Variants in PHF24 observed in about 807,000 individuals in gnomAD.
PHF24 encodes PHD finger protein 24.
A neutral mutation model predicts 42.6 loss-of-function variants in PHF24; 25 were observed. The ratio of observed to expected loss-of-function variants is 0.59; its 90% confidence interval spans 0.43 to 0.82. The LOEUF is 0.82. Ranked by LOEUF, PHF24 falls within the 40% of genes least tolerant of loss-of-function variation. PHF24 has a pLI of 0.00. For missense variants in PHF24, 470 were observed against 538.1 expected (o/e 0.87, Z 1.25); for synonymous variants, 185 against 204.8 (o/e 0.90, Z 0.83).
chr9:34,898,914 G>A, the PHF24 span, among the ~76,000 whole-genome samples: 243 of 152,242 alleles, frequency 1.6e-3, 1 homozygote, highest in African/African-American at 5.6e-3. Context: ...CCAGCAATTC[G>A]CCTGGCCCTT....
At chr9:34,835,659 G>A in the PHF24 span, 456 of 1,551,348 alleles carry the variant, frequency 2.9e-4, no homozygotes, top group Non-Finnish European at 3.8e-4. Flanking sequence ...TTGGGCCCCG[G>A]AGCACAGCTG....
At chr9:34,785,257 G>T in the PHF24 span, among the ~76,000 whole-genome samples, 2 of 152,182 alleles carry the variant, frequency 1.3e-5, no homozygotes, top group African/African-American at 4.8e-5. Context: ...GAAGGCAGAT[G>T]AATAAAAAGA....
the PHF24 span, chr9:34,922,413 A>G: frequency 7.3e-7 from 1 of 1,363,046 alleles, no homozygotes; most frequent in Middle Eastern, 2.5e-4. Context: ...GTTAAGGGCC[A>G]GACCCAGTCT....
the PHF24 span, among the ~76,000 whole-genome samples, chr9:34,817,916 T>G: frequency 0.014 from 2,167 of 152,358 alleles, 49 homozygotes; most frequent in African/African-American, 0.049. Context: ...CTATTCTGTT[T>G]CATAGATCTG....
At chr9:34,936,468 T>G in the PHF24 span, among the ~76,000 whole-genome samples, 3 of 152,022 alleles carry the variant, frequency 2.0e-5, no homozygotes, top group Non-Finnish European at 4.4e-5. Flanking sequence ...ATGCCGAGAT[T>G]GCAGCCTCTG....
the PHF24 span, among the ~76,000 whole-genome samples, chr9:34,764,858 C>T: frequency 6.6e-6 from 1 of 151,174 alleles, no homozygotes; most frequent in South Asian, 2.1e-4. Context: ...TTTCCCTCTA[C>T]ACACTGCTTT....
At chr9:34,704,095 A>G in the PHF24 span, among the ~76,000 whole-genome samples, 3 of 151,704 alleles carry the variant, frequency 2.0e-5, no homozygotes, top group Admixed American at 6.6e-5. Flanking sequence ...GTGTGATCAT[A>G]GCTCACTGCA....
chr9:34,816,513 A>G, the PHF24 span, among the ~76,000 whole-genome samples: 1 of 152,294 alleles, frequency 6.6e-6, no homozygotes, highest in Non-Finnish European at 1.5e-5. Flanking sequence ...TAGGAATTCC[A>G]AGATCAAGAT....
chr9:34,885,158 G>C, the PHF24 span, among the ~76,000 whole-genome samples: 1 of 152,170 alleles, frequency 6.6e-6, no homozygotes, highest in African/African-American at 2.4e-5. Flanking sequence ...GATGCTTTAG[G>C]CAAATACCTG....
the PHF24 span, among the ~76,000 whole-genome samples, chr9:34,841,684 C>T: frequency 6.6e-6 from 1 of 152,012 alleles, no homozygotes; most frequent in South Asian, 2.1e-4. Context: ...ATGGTGAAAC[C>T]CTGTCTCTAC....
the PHF24 span, among the ~76,000 whole-genome samples, chr9:34,790,920 G>A: frequency 6.6e-6 from 1 of 152,202 alleles, no homozygotes; most frequent in Non-Finnish European, 1.5e-5. Context: ...AGTGTGACTG[G>A]ACTGATAATG....
At chr9:34,898,870 C>T in the PHF24 span, among the ~76,000 whole-genome samples, 41 of 152,202 alleles carry the variant, frequency 2.7e-4, no homozygotes, top group Admixed American at 2.2e-3. Flanking sequence ...GCCCTTCCAC[C>T]AAGCCATTAA....
At chr9:34,832,401 A>G in the PHF24 span, 97 of 1,115,860 alleles carry the variant, frequency 8.7e-5, 1 homozygote, top group East Asian at 1.6e-3. Context: ...TCTGGAGTGT[A>G]ACCGAAGCTT....
At chr9:34,847,438 G>A in the PHF24 span, among the ~76,000 whole-genome samples, 1 of 151,930 alleles carries the variant, frequency 6.6e-6, no homozygotes, top group East Asian at 1.9e-4. Context: ...TGTGATTTTT[G>A]TACATTGATT....
At chr9:34,947,908 A>G in the PHF24 span, among the ~76,000 whole-genome samples, 2 of 152,170 alleles carry the variant, frequency 1.3e-5, no homozygotes, top group Non-Finnish European at 2.9e-5. Context: ...GGAGATTGAG[A>G]CCATCCTGAC....
At chr9:34,814,939 C>G in the PHF24 span, among the ~76,000 whole-genome samples, 1 of 152,102 alleles carries the variant, frequency 6.6e-6, no homozygotes, top group Non-Finnish European at 1.5e-5. Context: ...CAGGGTTTCG[C>G]CATGTTGGCC....
the PHF24 span, chr9:34,689,581 C>T: frequency 1.2e-4 from 61 of 529,792 alleles, no homozygotes; most frequent in African/African-American, 1.0e-3. This position sits in a 1 kb window ranked among gnomAD's most constrained non-coding sequence, Gnocchi z 4.1. Context: ...TAGTTGTAAA[C>T]ACCAGGCGGC....
the PHF24 span, among the ~76,000 whole-genome samples, chr9:34,861,404 A>G: frequency 6.6e-6 from 1 of 152,242 alleles, no homozygotes; most frequent in Non-Finnish European, 1.5e-5. Flanking sequence ...GATCAAGCTG[A>G]TCTGCCAGTA....
the PHF24 span, among the ~76,000 whole-genome samples, chr9:34,756,557 G>A: frequency 2.0e-5 from 3 of 152,134 alleles, no homozygotes; most frequent in South Asian, 4.1e-4. Context: ...TCTCTAGTCT[G>A]TTCCATTGGT....
Sources: gnomAD v4.1 joint callset for allele counts (sites outside exome capture counted in the v4.1 genomes callset) on GRCh38, gnomAD v4.1.1 for gene constraint, Gnocchi (gnomAD v3.1) non-coding constraint, MANE v1.5 for transcripts, NCBI Gene and HGNC (gene_info 2026-07-23, HGNC 2026-07-21) for gene names.